RBM44: variants seen among roughly 807,000 people sequenced by gnomAD.
The protein encoded by RBM44 is RNA-binding protein 44.
RBM44 carries 66 observed loss-of-function variants against 105.1 expected under a neutral mutation model. That is an observed-to-expected ratio of 0.63 (90% CI 0.52 to 0.77). RBM44 has a LOEUF of 0.77. Ranked by LOEUF, RBM44 falls within the 30% of genes least tolerant of loss-of-function variation. The probability of loss-of-function intolerance (pLI) is 0.00; values close to 1 mark genes in which losing one functional copy is unlikely to be tolerated. For synonymous variants in RBM44, 365 were observed against 417.6 expected, an observed-to-expected ratio of 0.87 and a Z score of 1.54; for missense variants, 1,122 against 1,207.8, an observed-to-expected ratio of 0.93 and a Z score of 1.05.
chr2:237,805,298 C>G (rs2061587838), intron 1 of RBM44, among the ~76,000 whole-genome samples: 1 of 152,164 alleles, frequency 6.6e-6, no homozygotes, highest in African/African-American at 2.4e-5. Flanking sequence ...TGAAAGATCT[C>G]TACAAGGCGT....
intron 13 of RBM44, among the ~76,000 whole-genome samples, chr2:237,833,357 T>C (rs541522435): frequency 6.6e-6 from 1 of 152,204 alleles, no homozygotes; most frequent in African/African-American, 2.4e-5. Flanking sequence ...TTTACAGTGG[T>C]TTTCTACAAT....
intron 15 of RBM44, among the ~76,000 whole-genome samples, chr2:237,840,005 A>G (rs1187387523): frequency 6.6e-6 from 1 of 152,164 alleles, no homozygotes; most frequent in Admixed American, 6.5e-5. Flanking sequence ...CCTGGGCAAC[A>G]TGGTGAAACC....
rs369392751 is a variant in RBM44, at chr2:237,824,414, C to A, written c.2444C>A (p.Thr815Lys). The A allele has an allele frequency of 1.2e-6, 2 of 1,611,698 alleles. No homozygotes were observed. Among genetic ancestry groups the A allele is most frequent in the Admixed American group, 3.3e-5 (2 of 59,844 alleles). The change falls in exon 10 of 16, where the codon ACA becomes AAA. Residue 815 changes from threonine (T) to lysine (K), a missense_variant. By Grantham distance (78) the Thr-to-Lys change is moderately conservative (BLOSUM62 -1). Transcript: ENST00000316997. ...CAAGACACATGGAATTTGGATCTTA[C>A]AGGAGGTTGGTTCTCAAGAATTTAC... ...VEQDTWNLDLTGEMKNVEPSQ... is the reference protein window; with the variant it reads ...VEQDTWNLDLKGEMKNVEPSQ...
At chr2:237,830,002 A>G (rs2061888295) in intron 13 of RBM44, among the ~76,000 whole-genome samples, 1 of 152,168 alleles carries the variant, frequency 6.6e-6, no homozygotes, top group Non-Finnish European at 1.5e-5. Flanking sequence ...TTTTAAAAAA[A>G]AAATTACGCA....
intron 13 of RBM44, among the ~76,000 whole-genome samples, chr2:237,831,006 T>G (rs2061897595): frequency 6.6e-6 from 1 of 151,990 alleles, no homozygotes; most frequent in South Asian, 2.1e-4. Flanking sequence ...GTTGAATAAA[T>G]GTATCTGATT....
chr2:237,799,912 C>G (rs542100851), intron 1 of RBM44, among the ~76,000 whole-genome samples: 5 of 152,156 alleles, frequency 3.3e-5, no homozygotes, highest in Admixed American at 3.3e-4. Context: ...TGGTTTCTGG[C>G]GATACCATTC....
At position 237,817,298 on chromosome 2, in the gene RBM44, A is replaced by T. The variant is rs1298684923; in HGVS notation, c.379A>T (p.Thr127Ser). The T allele has an allele frequency of 1.9e-6, 3 of 1,605,182 alleles. No individual in the cohort carries two copies. Among genetic ancestry groups the T allele is most frequent in the Non-Finnish European group, 2.6e-6 (3 of 1,175,012 alleles). ...SESKLKKESLTPLSSELDPEV... is the reference protein window; with the variant it reads ...SESKLKKESLSPLSSELDPEV... Reference sequence around the variant, plus strand: ...GTCAAAACTAAAGAAGGAAAGTCTTACTCCTTTAAGTTCAGAATTAGATCC... The same window carrying T: ...GTCAAAACTAAAGAAGGAAAGTCTTTCTCCTTTAAGTTCAGAATTAGATCC... The change falls in exon 3 of 16, where the codon ACT (threonine) becomes TCT (serine). Residue 127 changes from threonine (T) to serine (S), a missense_variant. Thr to Ser is a moderately conservative substitution (Grantham distance 58). Around this residue, in one of 3 missense-constraint regions of RBM44, gnomAD observed 918 missense variants for 955.3 expected, o/e 0.96. Coordinates refer to ENST00000316997, the MANE Select transcript of RBM44 (RefSeq NM_001080504.3).
Position 237,827,264 on chromosome 2 carries a change from G to A in RBM44, c.2464G>A (p.Glu822Lys). The A allele has an allele frequency of 6.3e-7, 1 of 1,579,600 alleles. No homozygotes were observed. The highest frequency in any genetic ancestry group is 8.7e-7 in the Non-Finnish European group (1 of 1,154,614). Reference protein sequence around the residue: ...LDLTGEMKNVEPSQRDKGYLI... With the variant: ...LDLTGEMKNVKPSQRDKGYLI... ...TCTCTAAGCAGAAATGAAGAATGTT[G>A]AACCCTCACAAAGAGATAAAGGTTA... Residue 822 changes from glutamate to lysine, a missense_variant, in exon 11 of 16, where the codon GAA (glutamate) becomes AAA (lysine). Glu to Lys is a moderately conservative substitution (Grantham distance 56). Transcript: ENST00000316997.
chr2:237,816,716 G>A (rs2061720974), intron 2 of RBM44, among the ~76,000 whole-genome samples: 1 of 152,112 alleles, frequency 6.6e-6, no homozygotes, highest in African/African-American at 2.4e-5. Context: ...TTCTTGAAAG[G>A]ACACTAATCC....
intron 1 of RBM44, among the ~76,000 whole-genome samples, chr2:237,805,871 G>C (rs1275839770): frequency 1.3e-5 from 2 of 151,962 alleles, no homozygotes; most frequent in Non-Finnish European, 2.9e-5. Context: ...GGGGTAGGTG[G>C]GGGAGTGCTA....
At chr2:237,826,842 G>C (rs573117670) in intron 10 of RBM44, among the ~76,000 whole-genome samples, 1 of 152,170 alleles carries the variant, frequency 6.6e-6, no homozygotes, top group Admixed American at 6.5e-5. Context: ...ATGATTTAAA[G>C]TACACAGAAG....
In RBM44 at chr2:237,834,051, C is replaced by G. The variant is rs750483221; in HGVS notation, c.2941C>G (p.Pro981Ala). Reference protein sequence around the residue: ...IESAKLLPDTPVQFIPPNTLN... With the variant: ...IESAKLLPDTAVQFIPPNTLN... ...ATCTGCTAAATTATTACCTGATACA[C>G]CCGTTCAATTCATACCTCCAAATAC... Residue 981 changes from proline to alanine, a missense_variant, in exon 14 of 16, where the codon CCC (proline) becomes GCC (alanine). This residue lies in a region of RBM44 where 194 missense variants were observed against 225.5 expected (regional missense o/e 0.86). Transcript: ENST00000316997. The G allele has an allele frequency of 6.4e-7, 1 of 1,574,118 alleles. No individual in the cohort carries two copies. The highest frequency in any genetic ancestry group is 8.6e-7 in the Non-Finnish European group (1 of 1,156,972).
intron 15 of RBM44, chr2:237,834,687 G>T (rs1266576631): frequency 5.5e-6 from 1 of 181,478 alleles, no homozygotes; most frequent in Non-Finnish European, 1.1e-5. Context: ...GGTAGTTTTA[G>T]CTCAGGGTTT....
At chr2:237,832,693 T>G (rs1039466638) in intron 13 of RBM44, among the ~76,000 whole-genome samples, 4 of 152,198 alleles carry the variant, frequency 2.6e-5, no homozygotes, top group African/African-American at 9.6e-5. Flanking sequence ...CAATTTCTTG[T>G]TCCCTTGTTC....
chr2:237,821,398 T>A, intron 7 of RBM44, 30 bp downstream of exon 7: 1 of 1,492,498 alleles, frequency 6.7e-7, no homozygotes, highest in Non-Finnish European at 9.1e-7. Flanking sequence ...GATTTATAAT[T>A]CATTAGATCC....
At position 237,803,407 on chromosome 2, in the gene RBM44, T is replaced by C. The variant is rs1174156290; in HGVS notation, c.-19+4546T>C. Among the ~76,000 whole-genome samples, 1 of 152,148 alleles carries C rather than the reference T, an allele frequency of 6.6e-6. No individual in the cohort carries two copies. The highest frequency in any genetic ancestry group is 1.5e-5 in the Non-Finnish European group (1 of 68,014). Reference sequence around the variant, plus strand: ...TTAAGCCATTCTAATGAATGTGAAGTGGTACCGTGGTTGTTTAAATTTGCA... The same window carrying C: ...TTAAGCCATTCTAATGAATGTGAAGCGGTACCGTGGTTGTTTAAATTTGCA... On this transcript the variant is annotated intron_variant, in intron 1 of 15. Transcript: ENST00000316997. This position sits in a 1 kb window ranked among gnomAD's most constrained non-coding sequence, Gnocchi z 4.2.
In RBM44 at chr2:237,817,382, G is replaced by A. The variant is rs1376452617; in HGVS notation, c.463G>A (p.Val155Ile). 1 of 1,603,826 alleles carries A rather than the reference G, an allele frequency of 6.2e-7. No individual in the cohort carries two copies. Among genetic ancestry groups the A allele is most frequent in the Middle Eastern group, 1.7e-4 (1 of 6,016 alleles). The change falls in exon 3 of 16, where the codon GTT becomes ATT. Residue 155 changes from valine (V) to isoleucine (I), a missense_variant. By Grantham distance (29) the Val-to-Ile change is conservative. Transcript: ENST00000316997. ...TATTTTGGAACATCAAGATAAGACT[G>A]TTGGCTTGGAAAGAATCTACAATAT... ...FNILEHQDKT[V>I]GLERIYNISD...
intron 1 of RBM44, among the ~76,000 whole-genome samples, chr2:237,805,948 C>T (rs1438982138): frequency 6.6e-6 from 1 of 152,082 alleles, no homozygotes; most frequent in East Asian, 1.9e-4. Context: ...CCACTTTACT[C>T]CAGCCTGGGT....
In RBM44 at chr2:237,817,304, T is replaced by G. The variant is rs1219261586; in HGVS notation, c.385T>G (p.Leu129Val). The change falls in exon 3 of 16, where the codon TTA becomes GTA. Residue 129 changes from leucine (L) to valine (V), a missense_variant. By Grantham distance (32) the Leu-to-Val change is conservative. Around this residue, in one of 3 missense-constraint regions of RBM44, gnomAD observed 918 missense variants for 955.3 expected, o/e 0.96. Transcript: ENST00000316997. The stretch of plus-strand genomic sequence containing the variant: ...ACTAAAGAAGGAAAGTCTTACTCCT[T>G]TAAGTTCAGAATTAGATCCTGAAGT... ...SKLKKESLTP[L>V]SSELDPEVQK... The G allele has an allele frequency of 3.7e-6, 6 of 1,606,656 alleles. No individual in the cohort carries two copies. The highest frequency in any genetic ancestry group is 5.1e-6 in the Non-Finnish European group (6 of 1,176,326).
Sources: allele counts gnomAD v4.1 joint callset (sites outside exome capture counted in the v4.1 genomes callset), GRCh38; gene constraint gnomAD v4.1.1; regional missense constraint gnomAD v4.1.1; non-coding constraint Gnocchi (gnomAD v3.1); transcripts MANE v1.5; gene names NCBI Gene and HGNC (gene_info 2026-07-23, HGNC 2026-07-21).